The following DEAF1 variants were observed in gnomAD, a reference collection of about 807,000 sequenced individuals.
The protein encoded by DEAF1 is DEAF1 transcription factor.
A neutral mutation model predicts 58.9 loss-of-function variants in DEAF1; 53 were observed. That is an observed-to-expected ratio of 0.90 (90% CI 0.72 to 1.13). The LOEUF (loss-of-function observed/expected upper bound fraction) is 1.13. Ranked by LOEUF, DEAF1 falls within the 50% of genes most tolerant of loss-of-function variation. DEAF1 has a pLI of 0.00. For synonymous variants in DEAF1, 385 were observed against 340.4 expected (o/e 1.13, Z -1.44); for missense variants, 685 against 791.4 (o/e 0.87, Z 1.61).
At chr11:668,926 T>C (rs1407948454) in intron 10 of DEAF1, among the ~76,000 whole-genome samples, 7 of 152,112 alleles carry the variant, frequency 4.6e-5, no homozygotes, top group African/African-American at 7.2e-5. Flanking sequence ...CCTGGATTCA[T>C]GCCATTCTCC....
intron 11 of DEAF1, among the ~76,000 whole-genome samples, chr11:651,003 C>T (rs1858742089): frequency 6.6e-6 from 1 of 151,740 alleles, no homozygotes; most frequent in Non-Finnish European, 1.5e-5. Context: ...CGCTCTGTTG[C>T]CCAGACTAGA....
At chr11:686,833 G>A in intron 5 of DEAF1, 25 bp downstream of exon 5, 1 of 1,613,856 alleles carries the variant, frequency 6.2e-7, no homozygotes, top group South Asian at 1.1e-5. Flanking sequence ...TGTGTGCTGA[G>A]CACAGGTGAG....
chr11:648,258 G>C (rs1333453513), intron 11 of DEAF1, among the ~76,000 whole-genome samples: 2 of 144,598 alleles, frequency 1.4e-5, no homozygotes, highest in African/African-American at 5.2e-5. Flanking sequence ...GCTGTGGCAC[G>C]ATCTCGGCTC....
intron 11 of DEAF1, among the ~76,000 whole-genome samples, chr11:653,379 G>A (rs908660543): frequency 2.0e-5 from 3 of 148,942 alleles, no homozygotes; most frequent in Admixed American, 6.7e-5. Flanking sequence ...TCTCTCTCGC[G>A]TGGCTCTGCA....
chr11:702,243 C>T (rs1486755564), intron 1 of DEAF1, among the ~76,000 whole-genome samples: 1 of 152,250 alleles, frequency 6.6e-6, no homozygotes, highest in Non-Finnish European at 1.5e-5. Flanking sequence ...AGTGTCTTGT[C>T]TGCACTTACG....
At chr11:703,907 T>G in intron 1 of DEAF1, 1 of 1,241,000 alleles carries the variant, frequency 8.1e-7, no homozygotes, top group Middle Eastern at 3.1e-4. Context: ...TATCAGCTTT[T>G]GCCTTTTGCA....
chr11:662,511 C>T (rs1203009766), intron 10 of DEAF1, among the ~76,000 whole-genome samples: 1 of 152,136 alleles, frequency 6.6e-6, no homozygotes, highest in Non-Finnish European at 1.5e-5. Flanking sequence ...CCTTCCTCCC[C>T]TCGCCGACCT....
At chr11:666,873 C>CAAAAAAAAAAAAAAAAAAAAAAAAAAAA (rs532628897) in intron 10 of DEAF1, among the ~76,000 whole-genome samples, 1 of 60,252 alleles carries the variant, frequency 1.7e-5, no homozygotes, top group Non-Finnish European at 3.1e-5. Flanking sequence ...ACTCTGTCTC[C>CAAAAAAAAAAAAAAAAAAAAAAAAAAAA]AAAAAAAAAA....
chr11:662,530 C>T (rs930305870), intron 10 of DEAF1, among the ~76,000 whole-genome samples: 103 of 152,286 alleles, frequency 6.8e-4, no homozygotes, highest in African/African-American at 2.5e-3. Flanking sequence ...CTCCGACTCC[C>T]GCCCAGCCCA....
upstream of DEAF1, chr11:700,106 G>T: frequency 6.3e-7 from 1 of 1,593,364 alleles, no homozygotes; most frequent in East Asian, 2.2e-5. Context: ...CTGCTCCCAA[G>T]CCTGTTGAGC....
In DEAF1 at chr11:695,197, C is replaced by T; in HGVS notation, c.-150G>A. The T allele has an allele frequency of 2.8e-6, 2 of 705,662 alleles. No homozygotes were observed. The highest frequency in any genetic ancestry group is 3.0e-5 in the South Asian group (1 of 33,096). The allele number at this position is 705,662 out of a possible 1,614,324, so 43.7% of individuals were successfully genotyped here. ...GAATAGGGACCGAAAAGGCAGCCAGCCGCCGAGCAGAGCCGAGCCGAGTCC... is the reference window on the plus strand; with the variant it reads ...GAATAGGGACCGAAAAGGCAGCCAGTCGCCGAGCAGAGCCGAGCCGAGTCC... On this transcript the variant is annotated 5_prime_UTR_variant, in exon 1 of 12. Coordinates refer to ENST00000382409, the MANE Select transcript of DEAF1 (RefSeq NM_021008.4).
chr11:680,724 A>G (rs1027099092), intron 7 of DEAF1, among the ~76,000 whole-genome samples: 1 of 151,864 alleles, frequency 6.6e-6, no homozygotes, highest in African/African-American at 2.4e-5. Context: ...ACTAGGAAAC[A>G]GCCCAGGACA....
intron 1 of DEAF1, 181 bp downstream of exon 1, chr11:694,578 C>A (rs1022764866): frequency 6.5e-6 from 2 of 307,378 alleles, no homozygotes; most frequent in Non-Finnish European, 9.3e-6. Context: ...GTGGGGCGGG[C>A]GGGTCACGTG....
rs1418828211 is a variant in DEAF1, at chr11:673,197, GATA to G, written c.1503+1336_1503+1338del. On this transcript the variant is annotated intron_variant, in intron 10 of 11. Transcript: ENST00000382409. ...AAGCAGCAGCTGAAAAAAAAATAATGATAATAAAATAAATACATAAATAAAAAG... is the reference window on the plus strand; with the variant it reads ...AAGCAGCAGCTGAAAAAAAAATAATGATAAAATAAATACATAAATAAAAAG... 2.6e-5 allele frequency among the ~76,000 whole-genome samples: 4 copies of G among 152,036 alleles called. No homozygotes were observed. The East Asian group carries it at 7.7e-4, about 29-fold the overall frequency.
At chr11:645,722 G>A (rs1481584647) in intron 11 of DEAF1, among the ~76,000 whole-genome samples, 1 of 152,218 alleles carries the variant, frequency 6.6e-6, no homozygotes, top group Non-Finnish European at 1.5e-5. Flanking sequence ...CACAGCTCCT[G>A]TGAGGTCAGC....
At chr11:686,610 G>A (rs12269764) in intron 5 of DEAF1, among the ~76,000 whole-genome samples, 7 of 152,290 alleles carry the variant, frequency 4.6e-5, no homozygotes, top group African/African-American at 1.7e-4. Flanking sequence ...TGTGCCAGGC[G>A]CTGTGACCTC....
At chr11:671,143 TG>T (rs1859807858) in intron 10 of DEAF1, among the ~76,000 whole-genome samples, 1 of 151,618 alleles carries the variant, frequency 6.6e-6, no homozygotes, top group African/African-American at 2.4e-5. Flanking sequence ...TTAGCCAGGA[TG>T]GTCTCGATCT....
intron 10 of DEAF1, among the ~76,000 whole-genome samples, chr11:662,135 T>C (rs2133321739): frequency 6.6e-6 from 1 of 152,192 alleles, no homozygotes; most frequent in African/African-American, 2.4e-5. Context: ...AAAAACTAGC[T>C]GGGCGCAGTA....
upstream of DEAF1, among the ~76,000 whole-genome samples, chr11:698,321 G>T (rs566385168): frequency 3.3e-5 from 5 of 152,280 alleles, no homozygotes; most frequent in African/African-American, 1.2e-4. Flanking sequence ...GTGGGAGAAG[G>T]CCCAAGAGGT....
Sources: gnomAD v4.1 joint callset for allele counts (sites outside exome capture counted in the v4.1 genomes callset) on GRCh38, gnomAD v4.1.1 for gene constraint, MANE v1.5 for transcripts, NCBI Gene and HGNC (gene_info 2026-07-23, HGNC 2026-07-21) for gene names.